The following PDE1C variants were observed in gnomAD, a reference collection of about 807,000 sequenced individuals.
PDE1C encodes phosphodiesterase 1C.
Under a neutral mutation model 93.1 loss-of-function variants are expected in PDE1C, and 62 were observed. That is an observed-to-expected ratio of 0.67 (90% confidence interval 0.54 to 0.82). The LOEUF is 0.82. Ranked by LOEUF, PDE1C falls within the 40% of genes least tolerant of loss-of-function variation. The probability of loss-of-function intolerance (pLI) is 0.00; values close to 1 mark genes in which losing one functional copy is unlikely to be tolerated. For synonymous variants in PDE1C, 325 were observed against 310.1 expected, an observed-to-expected ratio of 1.05 and a Z score of -0.50; for missense variants, 742 against 884.6, an observed-to-expected ratio of 0.84 and a Z score of 2.04.
At chr7:32,031,256 T>C (rs930513330) in intron 2 of PDE1C, among the ~76,000 whole-genome samples, 6 of 152,198 alleles carry the variant, frequency 3.9e-5, no homozygotes, top group Non-Finnish European at 7.3e-5. Flanking sequence ...AAAGAGAGTA[T>C]AATTTTACCT....
chr7:32,174,767 T>C (rs1267238995), intron 2 of PDE1C, among the ~76,000 whole-genome samples: 4 of 152,148 alleles, frequency 2.6e-5, no homozygotes, highest in Non-Finnish European at 5.9e-5. Flanking sequence ...TGTACCTGTA[T>C]TTCAGAAAGG....
chr7:32,379,512 G>C (rs1004835219), intron 1 of PDE1C, among the ~76,000 whole-genome samples: 1 of 152,112 alleles, frequency 6.6e-6, no homozygotes, highest in African/African-American at 2.4e-5. Flanking sequence ...GCTGAAAAAA[G>C]CAGCCCAATT....
chr7:31,843,560 C>A (rs988044214), intron 9 of PDE1C, among the ~76,000 whole-genome samples: 2 of 151,628 alleles, frequency 1.3e-5, no homozygotes, highest in African/African-American at 4.8e-5. Context: ...TTACTTTGAA[C>A]CTTTTTGTGT....
chr7:32,403,349 C>T (rs989240184), intron 1 of PDE1C, among the ~76,000 whole-genome samples: 1 of 152,160 alleles, frequency 6.6e-6, no homozygotes, highest in Non-Finnish European at 1.5e-5. Context: ...TTCCACTTCC[C>T]CAAATTTCTA....
At chr7:32,415,123 C>A (rs1158904502) in intron 1 of PDE1C, among the ~76,000 whole-genome samples, 2 of 152,112 alleles carry the variant, frequency 1.3e-5, no homozygotes, top group Admixed American at 1.3e-4. Flanking sequence ...TCGAGATCAG[C>A]CTGGGCAACC....
chr7:32,070,805 G>A, upstream of PDE1C: 1 of 992,766 alleles, frequency 1.0e-6, no homozygotes. Flanking sequence ...AGGGCTGGGT[G>A]GGGAGGAGAG....
intron 11 of PDE1C, among the ~76,000 whole-genome samples, chr7:31,828,796 T>C (rs1790017383): frequency 6.6e-6 from 1 of 152,170 alleles, no homozygotes; most frequent in African/African-American, 2.4e-5. Context: ...AAATTCAAAC[T>C]GGACTGATTC....
intron 1 of PDE1C, among the ~76,000 whole-genome samples, chr7:32,267,865 T>C (rs1380898524): frequency 2.0e-5 from 3 of 152,192 alleles, no homozygotes; most frequent in African/African-American, 7.2e-5. Context: ...ACAGGGATTA[T>C]TCTTTATGAT....
the PDE1C span, among the ~76,000 whole-genome samples, chr7:31,723,534 T>C: frequency 6.6e-5 from 10 of 152,236 alleles, no homozygotes; most frequent in South Asian, 2.1e-4. Flanking sequence ...CCAGCAGTGG[T>C]TCTCCCTGTC....
chr7:31,618,032 ATCCATGG>A, the PDE1C span, among the ~76,000 whole-genome samples: 1 of 152,204 alleles, frequency 6.6e-6, no homozygotes, highest in Non-Finnish European at 1.5e-5. Flanking sequence ...TAGTTGTGGC[ATCCATGG>A]GATCCTAAAG....
At chr7:31,741,808 G>A in the PDE1C span, among the ~76,000 whole-genome samples, 1 of 152,208 alleles carries the variant, frequency 6.6e-6, no homozygotes, top group African/African-American at 2.4e-5. Flanking sequence ...CATAAGGGGT[G>A]GAAAATGGCT....
At chr7:32,418,761 A>C (rs1377078614) in intron 1 of PDE1C, among the ~76,000 whole-genome samples, 1 of 152,178 alleles carries the variant, frequency 6.6e-6, no homozygotes, top group Non-Finnish European at 1.5e-5. Flanking sequence ...AACAAACAAA[A>C]AATTAAAAAT....
intron 3 of PDE1C, among the ~76,000 whole-genome samples, chr7:32,132,445 AG>A (rs1799971258): frequency 6.6e-6 from 1 of 152,102 alleles, no homozygotes; most frequent in South Asian, 2.1e-4. Context: ...GGATTGCTTG[AG>A]CTAAGGAGTT....
At chr7:31,627,267 C>T in the PDE1C span, among the ~76,000 whole-genome samples, 28 of 152,126 alleles carry the variant, frequency 1.8e-4, no homozygotes, top group South Asian at 5.6e-3. Context: ...ATAATTTTAT[C>T]AAAATTTAAA....
At chr7:31,930,573 G>T (rs1479728872) in intron 2 of PDE1C, among the ~76,000 whole-genome samples, 2 of 152,260 alleles carry the variant, frequency 1.3e-5, no homozygotes, top group Admixed American at 1.3e-4. Context: ...AGGCGTGGTG[G>T]CTCACGCCTG....
chr7:31,810,783 T>C (rs1047161475), intron 15 of PDE1C, among the ~76,000 whole-genome samples: 1 of 152,150 alleles, frequency 6.6e-6, no homozygotes, highest in Non-Finnish European at 1.5e-5. Flanking sequence ...AACTTCTCTA[T>C]GAAGTTCAAG....
chr7:31,991,941 G>A (rs192438033), intron 2 of PDE1C, among the ~76,000 whole-genome samples: 1 of 152,332 alleles, frequency 6.6e-6, no homozygotes, highest in Non-Finnish European at 1.5e-5. Flanking sequence ...CAGACGCAAA[G>A]CTATTGTTTT....
chr7:32,018,274 A>C (rs1788181998), intron 2 of PDE1C, among the ~76,000 whole-genome samples: 1 of 152,100 alleles, frequency 6.6e-6, no homozygotes, highest in South Asian at 2.1e-4. Flanking sequence ...CAAAATGTTA[A>C]ACAGAGTTAC....
At chr7:31,739,492 A>G in the PDE1C span, among the ~76,000 whole-genome samples, 1 of 152,136 alleles carries the variant, frequency 6.6e-6, no homozygotes, top group African/African-American at 2.4e-5. Context: ...GTCGGGCACT[A>G]TGTTATGAGC....
Sources: allele counts gnomAD v4.1 joint callset (sites outside exome capture counted in the v4.1 genomes callset), GRCh38; gene constraint gnomAD v4.1.1; transcripts MANE v1.5; gene names NCBI Gene and HGNC (gene_info 2026-07-23, HGNC 2026-07-21).